The following STARD13 variants were observed in gnomAD, a reference collection of about 807,000 sequenced individuals.
STARD13 encodes the protein stAR-related lipid transfer protein 13.
Under a neutral mutation model 106.4 loss-of-function variants are expected in STARD13, and 62 were observed. The observed-to-expected ratio is 0.58, with a 90% confidence interval of 0.48 to 0.72. The LOEUF (loss-of-function observed/expected upper bound fraction) is 0.72. Ranked by LOEUF, STARD13 falls within the 30% of genes least tolerant of loss-of-function variation. The pLI is 0.00. For missense variants in STARD13, 1,387 were observed against 1,424.0 expected (o/e 0.97, Z 0.42); for synonymous variants, 565 against 553.0 (o/e 1.02, Z -0.31).
At chr13:33,634,806 C>T in the STARD13 span, among the ~76,000 whole-genome samples, 3 of 152,136 alleles carry the variant, frequency 2.0e-5, no homozygotes, top group African/African-American at 7.2e-5. Context: ...CATTCACTGG[C>T]CTCCAGGGAA....
chr13:33,249,354 A>T (rs1889983079), intron 1 of STARD13, among the ~76,000 whole-genome samples: 1 of 152,222 alleles, frequency 6.6e-6, no homozygotes, highest in Non-Finnish European at 1.5e-5. Context: ...TCATTTTGTC[A>T]CTGTTTCTTC....
the STARD13 span, among the ~76,000 whole-genome samples, chr13:33,528,498 G>A: frequency 2.0e-5 from 3 of 151,242 alleles, no homozygotes; most frequent in Middle Eastern, 3.4e-3. Context: ...GATCTCAAAC[G>A]CCTGGCCTCA....
At chr13:33,191,420 T>C (rs1886250554) in intron 1 of STARD13, among the ~76,000 whole-genome samples, 1 of 152,226 alleles carries the variant, frequency 6.6e-6, no homozygotes. Flanking sequence ...ATGCTTTTAA[T>C]GCTCTACAAT....
chr13:33,353,917 G>A (rs1032220428), upstream of STARD13, among the ~76,000 whole-genome samples: 28 of 152,304 alleles, frequency 1.8e-4, no homozygotes, highest in African/African-American at 6.5e-4. Flanking sequence ...CATCCTCAGT[G>A]CCTAAAACAG....
chr13:33,257,331 T>C (rs1378513491), intron 1 of STARD13, among the ~76,000 whole-genome samples: 1 of 152,150 alleles, frequency 6.6e-6, no homozygotes, highest in African/African-American at 2.4e-5. Context: ...AGAAATGAGA[T>C]ACCAGTGAGG....
chr13:33,583,642 A>G, the STARD13 span, among the ~76,000 whole-genome samples: 12 of 152,290 alleles, frequency 7.9e-5, no homozygotes, highest in African/African-American at 2.9e-4. Context: ...AGGGTAAGGC[A>G]CAGTTAGTCC....
chr13:33,288,930 T>C (rs930990839), upstream of STARD13, among the ~76,000 whole-genome samples: 6 of 152,250 alleles, frequency 3.9e-5, no homozygotes, highest in Admixed American at 6.5e-5. Context: ...TTGTATTTTT[T>C]AAATAAATTC....
intron 1 of STARD13, among the ~76,000 whole-genome samples, chr13:33,208,290 G>A (rs1887529770): frequency 6.6e-6 from 1 of 152,118 alleles, no homozygotes; most frequent in African/African-American, 2.4e-5. Flanking sequence ...TGGCGGGGTT[G>A]TAGCATGAGG....
rs368120870 is a variant in STARD13 at position 33,122,612 on chromosome 13, C to A, written c.2082+3469G>T. The stretch of plus-strand genomic sequence containing the variant: ...TCTTGAGAAAGGGGAGAATGGCCAT[C>A]AGCAATGCAGAGTTCATTTTATAAG... On this transcript the variant is annotated intron_variant, in intron 7 of 13. Coordinates refer to ENST00000336934, the MANE Select transcript of STARD13 (RefSeq NM_178006.4). Among the ~76,000 whole-genome samples the A allele has an allele frequency of 1.1e-4, 16 of 152,344 alleles. No homozygotes were observed. In the South Asian group the frequency reaches 3.1e-3, roughly 30 times the overall value.
chr13:33,584,057 G>T, the STARD13 span, among the ~76,000 whole-genome samples: 1 of 152,168 alleles, frequency 6.6e-6, no homozygotes, highest in Non-Finnish European at 1.5e-5. Flanking sequence ...TTTCCACAGT[G>T]ATTGTACCAT....
the STARD13 span, among the ~76,000 whole-genome samples, chr13:33,422,233 G>A: frequency 5.8e-4 from 89 of 152,262 alleles, no homozygotes; most frequent in African/African-American, 1.5e-3. Context: ...AAGCTGATAC[G>A]CAACTTCGGT....
intron 1 of STARD13, among the ~76,000 whole-genome samples, chr13:33,215,740 T>C (rs530411183): frequency 6.6e-6 from 1 of 152,188 alleles, no homozygotes; most frequent in East Asian, 1.9e-4. Context: ...AAACCATAGA[T>C]AGAACAGGAA....
the STARD13 span, among the ~76,000 whole-genome samples, chr13:33,459,319 A>G: frequency 6.6e-6 from 1 of 152,226 alleles, no homozygotes; most frequent in Non-Finnish European, 1.5e-5. Flanking sequence ...ATCAGTTTGC[A>G]TTCTTTAAAA....
the STARD13 span, among the ~76,000 whole-genome samples, chr13:33,503,957 C>T: frequency 6.6e-6 from 1 of 152,166 alleles, no homozygotes; most frequent in Non-Finnish European, 1.5e-5. Context: ...TATGAACAGA[C>T]TCTTCTCAAA....
At chr13:33,371,290 A>G in the STARD13 span, among the ~76,000 whole-genome samples, 2 of 152,300 alleles carry the variant, frequency 1.3e-5, no homozygotes, top group East Asian at 3.9e-4. Context: ...CTGAAAAACC[A>G]CTGAGAAAGT....
chr13:33,452,586 T>C, the STARD13 span, among the ~76,000 whole-genome samples: 2 of 152,244 alleles, frequency 1.3e-5, no homozygotes, highest in Non-Finnish European at 2.9e-5. Flanking sequence ...AGTTTCTGAA[T>C]TAGATTCATT....
the STARD13 span, among the ~76,000 whole-genome samples, chr13:33,584,624 C>T: frequency 6.6e-6 from 1 of 152,128 alleles, no homozygotes; most frequent in Non-Finnish European, 1.5e-5. Flanking sequence ...AAATGTCGAG[C>T]ATGTCTTTCT....
rs537139830 is a variant in STARD13, at chr13:33,105,884, G to A, written c.3225-174C>T. Among the ~76,000 whole-genome samples, 25 of 152,350 alleles carry A rather than the reference G, an allele frequency of 1.6e-4. No individual in the cohort carries two copies. The East Asian group carries it at 3.3e-3, about 20-fold the overall frequency. The stretch of plus-strand genomic sequence containing the variant: ...TTCTGCCATCAGGGGCCTTGAAAAC[G>A]TCCTGGCTGCTAAGTATTCATGTTG... On this transcript the variant is annotated intron_variant, in intron 13 of 13. Coordinates refer to ENST00000336934, the MANE Select transcript of STARD13 (RefSeq NM_178006.4).
the STARD13 span, among the ~76,000 whole-genome samples, chr13:33,435,035 G>A: frequency 2.6e-5 from 4 of 152,216 alleles, no homozygotes; most frequent in Non-Finnish European, 5.9e-5. Context: ...GCTAGAGTGA[G>A]CAGAGAAGGA....
Sources: gnomAD v4.1 joint callset for allele counts (sites outside exome capture counted in the v4.1 genomes callset) on GRCh38, gnomAD v4.1.1 for gene constraint, MANE v1.5 for transcripts, NCBI Gene and HGNC (gene_info 2026-07-23, HGNC 2026-07-21) for gene names.